The following GDPD5 variants were observed in gnomAD, a reference collection of about 807,000 sequenced individuals.
GDPD5 encodes the protein glycerophosphodiester phosphodiesterase 2.
A neutral mutation model predicts 75.1 loss-of-function variants in GDPD5; 48 were observed. The ratio of observed to expected loss-of-function variants is 0.64; its 90% CI spans 0.51 to 0.81. The LOEUF (loss-of-function observed/expected upper bound fraction) is 0.81. GDPD5 is among the 40% of genes least tolerant of loss of function. The pLI, the probability that GDPD5 is intolerant of heterozygous loss-of-function variation, is 0.00. For missense variants in GDPD5, 706 were observed against 822.6 expected (o/e 0.86, Z 1.73); for synonymous variants, 336 against 339.0 (o/e 0.99, Z 0.10).
intron 8 of GDPD5, 31 bp downstream of exon 8, chr11:75,449,486 G>T: frequency 1.3e-6 from 2 of 1,530,642 alleles, no homozygotes; most frequent in South Asian, 2.4e-5. Flanking sequence ...TGCAGGGATT[G>T]GAGGGGCAGG....
rs139846729 is a variant in GDPD5, at chr11:75,503,949, A to G, written c.-144-13629T>C. Among the ~76,000 whole-genome samples, 641 of 152,302 alleles carry G rather than the reference A, an allele frequency of 4.2e-3. 2 individuals carry two copies. The highest frequency in any genetic ancestry group is 0.014 in the African/African-American group (585 of 41,566). Reference sequence around the variant, plus strand: ...TGGGGAGCTGATCCCTCCTAAGGACAAGGCTTGCGGATCTCAGGGACTGGA... The same window carrying G: ...TGGGGAGCTGATCCCTCCTAAGGACGAGGCTTGCGGATCTCAGGGACTGGA... On this transcript the variant is annotated intron_variant, in intron 1 of 16. Transcript: ENST00000336898.
At chr11:75,501,096 T>C (rs570310173) in intron 1 of GDPD5, among the ~76,000 whole-genome samples, 16 of 152,318 alleles carry the variant, frequency 1.1e-4, no homozygotes, top group Admixed American at 2.0e-4. Context: ...CGAGGCCAAG[T>C]GCAGCATGAG....
Position 75,473,208 on chromosome 11 carries a change from T to C in GDPD5, c.117+4411A>G, listed in dbSNP as rs12365170. On this transcript the variant is annotated intron_variant, in intron 3 of 16. Coordinates refer to ENST00000336898, the MANE Select transcript of GDPD5 (RefSeq NM_030792.8). ...GGTGATGGGGGGCTCTCATCATATC[T>C]CATCATAGAAGGCAGGCAACTGGGG... Among the ~76,000 whole-genome samples, 867 of 152,124 alleles carry C rather than the reference T, an allele frequency of 5.7e-3. 5 individuals carry two copies. Among genetic ancestry groups the C allele is most frequent in the Non-Finnish European group, 9.9e-3 (672 of 67,988 alleles).
chr11:75,441,167 A>C lies in GDPD5; in HGVS notation c.1469T>G (p.Ile490Ser). The change falls in exon 14 of 17, where the codon ATC becomes AGC. Residue 490 changes from isoleucine to serine, a missense_variant. Ile to Ser is a moderately radical substitution (Grantham distance 142). Coordinates refer to ENST00000336898, the MANE Select transcript of GDPD5 (RefSeq NM_030792.8). ...ALSQVPSPLW[I>S]MPPDEYCLMW... ...GCCCTCTGCCCCCCAACTCACCATGATCCAGAGGGGGGAAGGCACCTGGGA... is the reference window on the plus strand; with the variant it reads ...GCCCTCTGCCCCCCAACTCACCATGCTCCAGAGGGGGGAAGGCACCTGGGA... 1.9e-6 allele frequency: 3 copies of C among 1,613,506 alleles called. No homozygotes were observed. The highest frequency in any genetic ancestry group is 2.5e-6 in the Non-Finnish European group (3 of 1,179,794).
In GDPD5 at chr11:75,466,978, C is replaced by G. The variant is rs137914501; in HGVS notation, c.118-4089G>C. Among the ~76,000 whole-genome samples, 637 of 152,206 alleles carry G rather than the reference C, an allele frequency of 4.2e-3. 5 individuals carry two copies. The highest frequency in any genetic ancestry group is 0.015 in the African/African-American group (613 of 41,516). ...GCCCTCTGGGACCCAGTATGGCGATCCCAGGCCCAGCCTAGTTCCCTGGAT... is the reference window on the plus strand; with the variant it reads ...GCCCTCTGGGACCCAGTATGGCGATGCCAGGCCCAGCCTAGTTCCCTGGAT... On this transcript the variant is annotated intron_variant, in intron 3 of 16. Transcript: ENST00000336898.
Position 75,435,431 on chromosome 11 carries a change from T to G in GDPD5, c.*76A>C. 7.2e-7 allele frequency: 1 copy of G among 1,385,508 alleles called. No individual in the cohort carries two copies. Among genetic ancestry groups the G allele is most frequent in the South Asian group, 1.5e-5 (1 of 67,584 alleles). The allele number at this position is 1,385,508 out of a possible 1,614,324, so 85.8% of individuals were successfully genotyped here. A position where few individuals can be genotyped will look rare whatever the true frequency, so the allele number is the denominator to read the frequency against. On this transcript the variant is annotated 3_prime_UTR_variant, in exon 17 of 17. Transcript: ENST00000336898. ...AGCCCGCTCCCAGAGCACTCCGAGT[T>G]CAGACACACTTCCACCAGCTCTCCT...
rs1366712405 is a variant in GDPD5 at position 75,442,529 on chromosome 11, G to A, written c.1001C>T (p.Ala334Val). Residue 334 changes from alanine (A) to valine (V), a missense_variant, in exon 12 of 17, where the codon GCC (alanine) becomes GTC (valine). By Grantham distance (64) the Ala-to-Val change is moderately conservative. Coordinates refer to ENST00000336898, the MANE Select transcript of GDPD5 (RefSeq NM_030792.8). ...CAGGCTGCAGATGGACTGGTTCTGG[G>A]CCTCTCTGTGGTCGGAGGGTGACAG... is the stretch of plus-strand genomic sequence containing the variant. ...SSLSPSDHRE[A>V]QNQSICSLAE... is the part of the protein sequence containing the mutation. 4.3e-6 allele frequency: 7 copies of A among 1,614,050 alleles called. No individual in the cohort carries two copies. Among genetic ancestry groups the A allele is most frequent in the Non-Finnish European group, 5.9e-6 (7 of 1,180,042 alleles).
chr11:75,449,961 G>A lies in GDPD5; in HGVS notation c.398C>T (p.Ala133Val). 6 of 1,613,800 alleles carry A rather than the reference G, an allele frequency of 3.7e-6. No homozygotes were observed. Among genetic ancestry groups the A allele is most frequent in the African/African-American group, 1.3e-5 (1 of 75,070 alleles). The stretch of plus-strand genomic sequence containing the variant: ...GGCCGACATGGCCACCACCGTGGAA[G>A]CCAGGATGACCACCAGCCCGATCTG... ...LHKIGLVVILASTVVAMSAVA... is the reference protein window; with the variant it reads ...LHKIGLVVILVSTVVAMSAVA... Residue 133 changes from alanine to valine, a missense_variant, in exon 7 of 17, where the codon GCT (alanine) becomes GTT (valine). By Grantham distance (64) the Ala-to-Val change is moderately conservative. Transcript: ENST00000336898.
Position 75,456,755 on chromosome 11 carries a change from A to G in GDPD5, c.375+2T>C. On this transcript the variant is annotated splice_donor_variant, in intron 6 of 16. Transcript: ENST00000336898. LOFTEE classifies it high-confidence loss of function. ...CCCAGCCCCGGCCGAGGCGGCCCTT[A>G]CCTTGTGCAGCCAGTGCAGGTTCAT... 6.2e-7 allele frequency: 1 copy of G among 1,614,070 alleles called. No homozygotes were observed.
chr11:75,476,957 T>A (rs1949792755), intron 3 of GDPD5, among the ~76,000 whole-genome samples: 1 of 152,018 alleles, frequency 6.6e-6, no homozygotes, highest in African/African-American at 2.4e-5. Context: ...GAGGCTGGCT[T>A]CTTTGTTCAG....
chr11:75,519,020 T>C (rs555107215), intron 1 of GDPD5, among the ~76,000 whole-genome samples: 24 of 152,200 alleles, frequency 1.6e-4, no homozygotes, highest in African/African-American at 5.8e-4. Context: ...TGCAGGAGAT[T>C]TGGTCACAAG....
In GDPD5 at chr11:75,463,019, T is replaced by C. The variant is rs540785662; in HGVS notation, c.118-130A>G. ...GCCAGGCAGGAATTCCTGCCCTCTT[T>C]ACCCTGGGAGAAACTGAGGTTCAGA... On this transcript the variant is annotated intron_variant, in intron 3 of 16. Coordinates refer to ENST00000336898, the MANE Select transcript of GDPD5 (RefSeq NM_030792.8). The C allele has an allele frequency of 1.9e-4, 129 of 683,284 alleles. 2 individuals are homozygous for C. In the South Asian group the frequency reaches 2.0e-3, roughly 11 times the overall value. 42.3% of individuals were successfully genotyped at this position (683,284 alleles called of 1,614,324 possible).
At chr11:75,516,958 A>G (rs1210100512) in intron 1 of GDPD5, among the ~76,000 whole-genome samples, 2 of 152,164 alleles carry the variant, frequency 1.3e-5, no homozygotes, top group Non-Finnish European at 2.9e-5. Flanking sequence ...GCGCACCTCA[A>G]TGCAGTTTGG....
chr11:75,473,186 G>A (rs1949706012), intron 3 of GDPD5, among the ~76,000 whole-genome samples: 1 of 152,076 alleles, frequency 6.6e-6, no homozygotes, highest in African/African-American at 2.4e-5. Flanking sequence ...AGGGTAGGGT[G>A]ATGGGGGGCT....
At chr11:75,446,919 T>C (rs193246733) in intron 9 of GDPD5, among the ~76,000 whole-genome samples, 105 of 152,204 alleles carry the variant, frequency 6.9e-4, no homozygotes, top group African/African-American at 2.4e-3. Context: ...ATTTCACTCT[T>C]GTTGCCCAGG....
intron 3 of GDPD5, among the ~76,000 whole-genome samples, chr11:75,476,634 T>C (rs1949784883): frequency 6.6e-6 from 1 of 152,164 alleles, no homozygotes; most frequent in South Asian, 2.1e-4. Flanking sequence ...TGCCTCAGTT[T>C]GGCCACTTGG....
At chr11:75,463,859 C>A (rs1161035480) in intron 3 of GDPD5, among the ~76,000 whole-genome samples, 1 of 152,246 alleles carries the variant, frequency 6.6e-6, no homozygotes, top group Non-Finnish European at 1.5e-5. Flanking sequence ...GGGCCACTGC[C>A]TCTGGGCTTG....
At chr11:75,513,961 G>A (rs536107309) in intron 1 of GDPD5, among the ~76,000 whole-genome samples, 2 of 152,310 alleles carry the variant, frequency 1.3e-5, no homozygotes, top group East Asian at 3.9e-4. Flanking sequence ...GGGACCTCAA[G>A]CCAGTCACCT....
At chr11:75,516,594 T>G (rs998072677) in intron 1 of GDPD5, among the ~76,000 whole-genome samples, 27 of 152,134 alleles carry the variant, frequency 1.8e-4, no homozygotes, top group Non-Finnish European at 3.5e-4. Context: ...GGGAGCAGAC[T>G]GGGAGACAGG....
Sources: allele counts gnomAD v4.1 joint callset (sites outside exome capture counted in the v4.1 genomes callset), GRCh38; gene constraint gnomAD v4.1.1; transcripts MANE v1.5; gene names NCBI Gene and HGNC (gene_info 2026-07-23, HGNC 2026-07-21).